NRP2: variants seen among roughly 807,000 people sequenced by gnomAD.
NRP2 encodes the protein neuropilin-2.
A neutral mutation model predicts 110.4 loss-of-function variants in NRP2; 52 were observed. That is an observed-to-expected ratio of 0.47 (90% CI 0.38 to 0.59). NRP2 has a LOEUF of 0.59. Ranked by LOEUF, NRP2 falls within the 20% of genes least tolerant of loss-of-function variation. NRP2 has a pLI of 0.00. For missense variants in NRP2, 1,049 were observed against 1,203.0 expected (o/e 0.87, Z 1.89); for synonymous variants, 508 against 468.9 (o/e 1.08, Z -1.08).
chr2:205,720,929 G>C (rs2056998414), intron 3 of NRP2, among the ~76,000 whole-genome samples: 7 of 152,216 alleles, frequency 4.6e-5, no homozygotes, highest in Admixed American at 4.6e-4. Context: ...CCCATGCAAA[G>C]GTTAGCCCTT....
rs1359880286 is a variant in NRP2 at position 205,797,258 on chromosome 2, G to T, written c.*2200G>T. On this transcript the variant is annotated 3_prime_UTR_variant, in exon 17 of 17. Transcript: ENST00000357785. ...TGAGTTCGGCCCACAGTAGAAGCAAGATTTTAACTAGCCCCTTTTCCTCTT... is the reference window on the plus strand; with the variant it reads ...TGAGTTCGGCCCACAGTAGAAGCAATATTTTAACTAGCCCCTTTTCCTCTT... 6.6e-6 allele frequency: 1 copy of T among 152,652 alleles called. No homozygotes were observed. Among genetic ancestry groups the T allele is most frequent in the Non-Finnish European group, 1.5e-5 (1 of 68,052 alleles). 9.5% of individuals were successfully genotyped at this position (152,652 alleles called of 1,614,324 possible). A position where few individuals can be genotyped will look rare whatever the true frequency, so the allele number is the denominator to read the frequency against.
In NRP2 at chr2:205,763,870, T is replaced by C. The variant is rs2105919087; in HGVS notation, c.2241T>C (p.Arg747=). The C allele has an allele frequency of 6.2e-7, 1 of 1,614,014 alleles. No individual in the cohort carries two copies. Among genetic ancestry groups the C allele is most frequent in the Non-Finnish European group, 8.5e-7 (1 of 1,179,948 alleles). The change falls in exon 13 of 17, where the codon CGT becomes CGC. Residue 747 remains arginine (R), a synonymous_variant. Coordinates refer to ENST00000357785, the MANE Select transcript of NRP2 (RefSeq NM_003872.3). The surrounding 1 kb of genome is among the most constrained non-coding windows in gnomAD (Gnocchi z 4.0). ...AGAGCAAGTTGCTGTGGGTCATCCG[T>C]GAGGACCAGGGCGGCGAGTGGAAGC... ...SQESKLLWVI[R]EDQGGEWKHG...
intron 3 of NRP2, among the ~76,000 whole-genome samples, chr2:205,718,106 A>G (rs938089833): frequency 9.2e-5 from 14 of 152,296 alleles, no homozygotes; most frequent in Admixed American, 8.5e-4. Flanking sequence ...TGTGCTGGCC[A>G]TGAAAGGAAA....
At chr2:205,748,552 T>C (rs994342653) in intron 10 of NRP2, among the ~76,000 whole-genome samples, 4 of 152,240 alleles carry the variant, frequency 2.6e-5, no homozygotes, top group African/African-American at 9.6e-5. Flanking sequence ...TAGTATTTAA[T>C]AGCAGAAAGG....
intron 2 of NRP2, among the ~76,000 whole-genome samples, chr2:205,711,626 AG>A (rs1435784703): frequency 2.6e-5 from 4 of 152,208 alleles, no homozygotes; most frequent in African/African-American, 9.7e-5. Flanking sequence ...GCAGTGTGAA[AG>A]GAGGCCTTGC....
At chr2:205,789,074 C>T (rs1022409457) in intron 15 of NRP2, among the ~76,000 whole-genome samples, 3 of 152,144 alleles carry the variant, frequency 2.0e-5, no homozygotes, top group African/African-American at 7.2e-5. Flanking sequence ...AGTAGTGAGC[C>T]AGTGAAACAG....
At chr2:205,768,240 T>C (rs573784728) in intron 15 of NRP2, 3 of 152,352 alleles carry the variant, frequency 2.0e-5, no homozygotes, top group East Asian at 3.9e-4. Flanking sequence ...GTGAGGTTTA[T>C]GTTAATGTAA....
chr2:205,723,918 G>C lies in NRP2; in HGVS notation c.798G>C (p.Leu266=). The change falls in exon 5 of 17, where the codon CTG becomes CTC. Residue 266 remains leucine (L), a synonymous_variant. Transcript: ENST00000357785. ...ATGGCTTCTCTGCGCGTTACTACCT[G>C]GTCCACCAAGAGCCACTAGAGAGTG... ...AKDGFSARYY[L]VHQEPLENFQ... The C allele has an allele frequency of 2.5e-6, 4 of 1,614,072 alleles. No individual in the cohort carries two copies. The highest frequency in any genetic ancestry group is 3.4e-6 in the Non-Finnish European group (4 of 1,180,012).
At chr2:205,767,431 A>G (rs760635702) in intron 15 of NRP2, 1 of 517,754 alleles carries the variant, frequency 1.9e-6, no homozygotes, top group African/African-American at 1.9e-5. Context: ...GTGTCCAGTC[A>G]AGGGAATAAG....
intron 15 of NRP2, among the ~76,000 whole-genome samples, chr2:205,784,050 T>C (rs970984297): frequency 7.6e-6 from 1 of 132,054 alleles, no homozygotes; most frequent in Non-Finnish European, 1.7e-5. Context: ...CTCTGTGTAA[T>C]TGCGCAAAAT....
At position 205,771,287 on chromosome 2, in the gene NRP2, G is replaced by A. The variant is rs140966728; in HGVS notation, c.2425+4484G>A. Among the ~76,000 whole-genome samples the A allele has an allele frequency of 3.4e-3, 513 of 152,252 alleles. 4 individuals are homozygous for A. Among genetic ancestry groups the A allele is most frequent in the South Asian group, 0.03 (145 of 4,818 alleles). ...CTCAGGGATGCCTTTGTGCTTGTGC[G>A]TCTTTTTTCCAAACACATCAGAGGG... On this transcript the variant is annotated intron_variant, in intron 15 of 16. Transcript: ENST00000357785.
Position 205,697,577 on chromosome 2 carries a change from A to G in NRP2, c.107A>G (p.Asp36Gly). 3 of 1,614,038 alleles carry G rather than the reference A, an allele frequency of 1.9e-6. No homozygotes were observed. The highest frequency in any genetic ancestry group is 1.7e-6 in the Non-Finnish European group (2 of 1,180,016). Residue 36 changes from aspartate (D) to glycine (G), a missense_variant, in exon 2 of 17, where the codon GAT becomes GGT. Physicochemically the swap from Asp to Gly is moderately conservative, Grantham distance 94 (BLOSUM62 -1). Transcript: ENST00000357785. ...TGCGGAGGTCGTTTGAATTCCAAAG[A>G]TGCTGGCTATATCACCTCTCCCGGT... ...PPCGGRLNSK[D>G]AGYITSPGYP...
intron 15 of NRP2, chr2:205,767,127 A>G (rs2105926536): frequency 2.3e-6 from 1 of 439,800 alleles, no homozygotes; most frequent in South Asian, 2.6e-5. Flanking sequence ...GAAAGGAGAG[A>G]CTGTGGGAAG....
At chr2:205,708,647 G>A (rs1267764605) in intron 2 of NRP2, among the ~76,000 whole-genome samples, 3 of 148,520 alleles carry the variant, frequency 2.0e-5, no homozygotes, top group Non-Finnish European at 4.5e-5. Context: ...ATTATAAATA[G>A]ATGTTATTTG....
intron 11 of NRP2, among the ~76,000 whole-genome samples, chr2:205,751,155 A>G (rs1298720482): frequency 1.3e-5 from 2 of 152,168 alleles, no homozygotes; most frequent in Non-Finnish European, 2.9e-5. Context: ...TTAACATACG[A>G]TATTGGATTT....
intron 2 of NRP2, among the ~76,000 whole-genome samples, chr2:205,708,828 G>A (rs545217723): frequency 3.3e-5 from 5 of 152,254 alleles, no homozygotes; most frequent in South Asian, 2.1e-4. Flanking sequence ...AAATATCAGC[G>A]ATTTGTGGTG....
At chr2:205,728,521 G>A (rs567975381) in intron 7 of NRP2, among the ~76,000 whole-genome samples, 87 of 152,314 alleles carry the variant, frequency 5.7e-4, no homozygotes, top group African/African-American at 2.1e-3. Context: ...AAATAATGAG[G>A]AGAAATTCAG....
intron 6 of NRP2, 136 bp from the exon 7 acceptor site, chr2:205,727,755 C>A (rs756856229): frequency 2.6e-5 from 21 of 803,294 alleles, no homozygotes; most frequent in Non-Finnish European, 3.8e-5. Context: ...CAAACTGATA[C>A]TAATTACAAG....
chr2:205,736,676 A>G (rs191950236), intron 7 of NRP2, among the ~76,000 whole-genome samples: 1 of 152,350 alleles, frequency 6.6e-6, no homozygotes, highest in Non-Finnish European at 1.5e-5. Flanking sequence ...CAAGCCTATT[A>G]TCGACTTTAT....
Sources: allele counts gnomAD v4.1 joint callset (sites outside exome capture counted in the v4.1 genomes callset), GRCh38; gene constraint gnomAD v4.1.1; non-coding constraint Gnocchi (gnomAD v3.1); transcripts MANE v1.5; gene names NCBI Gene and HGNC (gene_info 2026-07-23, HGNC 2026-07-21).